Variants in DTD1 observed in about 807,000 individuals in gnomAD.
DTD1 encodes the protein D-tyrosyl-tRNA deacylase 1 homolog.
In DTD1, 13 loss-of-function variants were observed where a neutral mutation model predicts 25.6. The observed-to-expected ratio is 0.51, with a 90% CI of 0.33 to 0.81. The LOEUF is 0.81. DTD1 is among the 30% of genes least tolerant of loss of function. The pLI, the probability that DTD1 is intolerant of heterozygous loss-of-function variation, is 0.02. For missense variants in DTD1, 193 were observed against 266.4 expected (o/e 0.72, Z 1.92); for synonymous variants, 110 against 103.6 (o/e 1.06, Z -0.37).
intron 4 of DTD1, among the ~76,000 whole-genome samples, chr20:18,656,546 C>T (rs576008739): frequency 3.3e-5 from 5 of 152,312 alleles, no homozygotes; most frequent in African/African-American, 1.2e-4. Context: ...CCATTCAGTT[C>T]TTGGGAGGCT....
Position 18,694,651 on chromosome 20 carries a change from G to A in DTD1, c.478-49449G>A, listed in dbSNP as rs554490462. Among the ~76,000 whole-genome samples the A allele has an allele frequency of 5.9e-5, 9 of 152,268 alleles. No individual in the cohort carries two copies. In the South Asian group the frequency reaches 1.9e-3, roughly 32 times the overall value. On this transcript the variant is annotated intron_variant, in intron 4 of 5. Coordinates refer to ENST00000377452, the MANE Select transcript of DTD1 (RefSeq NM_080820.6). Reference sequence around the variant, plus strand: ...ACAACTGGGTTAGGGAGCAGCAGCCGGGCCTTCCGAAATGATTGCATTTCC... The same window carrying A: ...ACAACTGGGTTAGGGAGCAGCAGCCAGGCCTTCCGAAATGATTGCATTTCC...
intron 4 of DTD1, among the ~76,000 whole-genome samples, chr20:18,719,380 G>A (rs938134486): frequency 2.0e-5 from 3 of 152,176 alleles, no homozygotes; most frequent in African/African-American, 7.2e-5. Flanking sequence ...CTAAAGGCCT[G>A]GCCTAGGCCA....
Position 18,595,658 on chromosome 20 carries a change from A to G in DTD1, c.135-348A>G, listed in dbSNP as rs75134517. On this transcript the variant is annotated intron_variant, in intron 2 of 5. Transcript: ENST00000377452. Reference sequence around the variant, plus strand: ...GATGAATTCGTTCATGAAAAATTACAATTGGACCCATGTTTTGACATATCC... The same window carrying G: ...GATGAATTCGTTCATGAAAAATTACGATTGGACCCATGTTTTGACATATCC... 5.3e-3 allele frequency among the ~76,000 whole-genome samples: 811 copies of G among 152,282 alleles called. 9 individuals are homozygous for G. The highest frequency in any genetic ancestry group is 0.038 in the South Asian group (185 of 4,822).
intron 4 of DTD1, among the ~76,000 whole-genome samples, chr20:18,719,245 A>G (rs866690986): frequency 1.4e-3 from 215 of 149,174 alleles, no homozygotes; most frequent in East Asian, 4.5e-3. Context: ...GTATATATAT[A>G]TGTGTGTGTG....
At chr20:18,616,113 A>G (rs977807496) in intron 3 of DTD1, among the ~76,000 whole-genome samples, 5 of 152,232 alleles carry the variant, frequency 3.3e-5, no homozygotes, top group Non-Finnish European at 5.9e-5. Context: ...TCGTGTCTTC[A>G]TTGTTAATGA....
intron 4 of DTD1, among the ~76,000 whole-genome samples, chr20:18,663,962 C>T (rs1205060164): frequency 2.0e-5 from 3 of 152,208 alleles, no homozygotes. Flanking sequence ...CTGGAGATTA[C>T]AATTCAAGAT....
At chr20:18,606,427 G>C (rs1419536960) in intron 3 of DTD1, among the ~76,000 whole-genome samples, 1 of 135,418 alleles carries the variant, frequency 7.4e-6, no homozygotes, top group Non-Finnish European at 1.6e-5. Flanking sequence ...CCCATTACTG[G>C]GTATATACCC....
chr20:18,700,384 A>T (rs2061099221), intron 4 of DTD1, among the ~76,000 whole-genome samples: 1 of 152,246 alleles, frequency 6.6e-6, no homozygotes, highest in Admixed American at 6.5e-5. Flanking sequence ...TTTAAAAATC[A>T]AAAGAACATC....
intron 4 of DTD1, among the ~76,000 whole-genome samples, chr20:18,730,912 A>G (rs1690904196): frequency 6.6e-6 from 1 of 152,160 alleles, no homozygotes; most frequent in African/African-American, 2.4e-5. Flanking sequence ...CTCTGTGGAC[A>G]TTGTCCTGTC....
intron 4 of DTD1, among the ~76,000 whole-genome samples, chr20:18,656,467 C>T (rs1254101236): frequency 6.6e-6 from 1 of 152,200 alleles, no homozygotes; most frequent in Non-Finnish European, 1.5e-5. Context: ...TGTGTCACCA[C>T]CTGGTGACAG....
chr20:18,649,213 A>G (rs2060863198), intron 4 of DTD1, among the ~76,000 whole-genome samples: 2 of 150,522 alleles, frequency 1.3e-5, no homozygotes, highest in Non-Finnish European at 3.0e-5. Context: ...TCGGGGAGCC[A>G]TGGGTCGCCT....
chr20:18,619,035 A>G (rs1488090726), intron 3 of DTD1, among the ~76,000 whole-genome samples: 5 of 151,974 alleles, frequency 3.3e-5, no homozygotes, highest in Admixed American at 6.6e-5. Context: ...TGTAGAAACA[A>G]GGTCTCACTA....
In DTD1 at chr20:18,764,380, A is replaced by T. The variant is rs146460629; in HGVS notation, c.*1040A>T. ...TTAAATTTCAGTCTACTGGTGGCAC[A>T]CTCAGAGTAGTCATTTTTTGACATA... is the stretch of plus-strand genomic sequence containing the variant. On this transcript the variant is annotated 3_prime_UTR_variant, in exon 6 of 6. Coordinates refer to ENST00000377452, the MANE Select transcript of DTD1 (RefSeq NM_080820.6). 17 of 152,328 alleles carry T rather than the reference A, an allele frequency of 1.1e-4. No individual in the cohort carries two copies. Among genetic ancestry groups the T allele is most frequent in the African/African-American group, 4.1e-4 (17 of 41,578 alleles). 9.4% of individuals were successfully genotyped at this position (152,328 alleles called of 1,614,324 possible).
chr20:18,759,810 G>C (rs1461186976), intron 5 of DTD1, among the ~76,000 whole-genome samples: 1 of 152,158 alleles, frequency 6.6e-6, no homozygotes, highest in Admixed American at 6.6e-5. Flanking sequence ...AGTTCTCCTG[G>C]ATAATATCCT....
chr20:18,701,581 T>A (rs1327225515), intron 4 of DTD1, among the ~76,000 whole-genome samples: 4 of 152,194 alleles, frequency 2.6e-5, no homozygotes, highest in Non-Finnish European at 2.9e-5. Flanking sequence ...AGCCCTTGGT[T>A]CTATTGCACT....
At chr20:18,618,398 C>G (rs1355135216) in intron 3 of DTD1, among the ~76,000 whole-genome samples, 1 of 151,404 alleles carries the variant, frequency 6.6e-6, no homozygotes, top group Non-Finnish European at 1.5e-5. Flanking sequence ...GTCACCCAGG[C>G]TGGACTGTAG....
intron 4 of DTD1, among the ~76,000 whole-genome samples, chr20:18,731,015 G>T (rs949622674): frequency 2.0e-5 from 3 of 152,148 alleles, no homozygotes; most frequent in Admixed American, 2.0e-4. Flanking sequence ...GTTTGTCAGT[G>T]TCTTAGCGTC....
intron 4 of DTD1, among the ~76,000 whole-genome samples, chr20:18,638,083 CT>C: frequency 6.6e-6 from 1 of 152,318 alleles, no homozygotes; most frequent in Non-Finnish European, 1.5e-5. Context: ...TGGTAATGCC[CT>C]TGAATAAAAA....
At chr20:18,625,716 C>G (rs1203984398) in intron 3 of DTD1, among the ~76,000 whole-genome samples, 2 of 152,216 alleles carry the variant, frequency 1.3e-5, no homozygotes, top group Non-Finnish European at 2.9e-5. Context: ...AGCCTGTAAC[C>G]CACTGTTGGG....
Sources: gnomAD v4.1 joint callset for allele counts (sites outside exome capture counted in the v4.1 genomes callset) on GRCh38, gnomAD v4.1.1 for gene constraint, MANE v1.5 for transcripts, NCBI Gene and HGNC (gene_info 2026-07-23, HGNC 2026-07-21) for gene names.